The following IKZF2 variants were observed in gnomAD, a reference collection of about 807,000 sequenced individuals.
IKZF2 encodes the protein zinc finger protein Helios.
A neutral mutation model predicts 49.2 loss-of-function variants in IKZF2; 15 were observed. The observed-to-expected ratio is 0.30, with a 90% CI of 0.20 to 0.47. The LOEUF (loss-of-function observed/expected upper bound fraction) is 0.47, where lower values mean the gene tolerates loss of function less well. Among genes scored for constraint, IKZF2 ranks in the 20% least tolerant of loss-of-function variants. IKZF2 has a pLI of 1.00. For synonymous variants in IKZF2, 227 were observed against 221.4 expected, an observed-to-expected ratio of 1.03 and a Z score of -0.23; for missense variants, 567 against 664.6, an observed-to-expected ratio of 0.85 and a Z score of 1.61.
At chr2:213,087,154 A>G (rs1250903895) in intron 4 of IKZF2, among the ~76,000 whole-genome samples, 4 of 152,290 alleles carry the variant, frequency 2.6e-5, no homozygotes, top group Admixed American at 6.5e-5. Context: ...AGGTCTTGAT[A>G]TGCAATGTAT....
At chr2:213,112,777 G>A (rs1224458626) in intron 4 of IKZF2, among the ~76,000 whole-genome samples, 1 of 151,932 alleles carries the variant, frequency 6.6e-6, no homozygotes, top group Non-Finnish European at 1.5e-5. Flanking sequence ...TCTGGAACTA[G>A]GCAACCAAGG....
chr2:213,106,382 T>C (rs373223094), intron 4 of IKZF2, among the ~76,000 whole-genome samples: 23 of 151,878 alleles, frequency 1.5e-4, no homozygotes, highest in African/African-American at 5.1e-4. Flanking sequence ...TTCACGTCTA[T>C]AATCCCAACA....
chr2:213,084,474 T>C (rs2125592680), intron 4 of IKZF2, among the ~76,000 whole-genome samples: 1 of 152,282 alleles, frequency 6.6e-6, no homozygotes, highest in Non-Finnish European at 1.5e-5. Flanking sequence ...TTAGTAATCA[T>C]TTTTATTATG....
At position 213,150,219 on chromosome 2, in the gene IKZF2, C is replaced by T. The variant is rs926410818; in HGVS notation, c.-91G>A. On this transcript the variant is annotated 5_prime_UTR_variant, in exon 2 of 9. Coordinates refer to ENST00000434687, the MANE Select transcript of IKZF2 (RefSeq NM_001387220.1). Reference sequence around the variant, plus strand: ...GTCGGGAGATCTCAGCTTCTTCTAACCCCTCAAAGAGGAGGTGACAATGTC... The same window carrying T: ...GTCGGGAGATCTCAGCTTCTTCTAATCCCTCAAAGAGGAGGTGACAATGTC... 2 of 1,294,126 alleles carry T rather than the reference C, an allele frequency of 1.5e-6. No individual in the cohort carries two copies. Among genetic ancestry groups the T allele is most frequent in the African/African-American group, 1.5e-5 (1 of 65,612 alleles). 80.2% of individuals were successfully genotyped at this position (1,294,126 alleles called of 1,614,324 possible). A position where few individuals can be genotyped will look rare whatever the true frequency, so the allele number is the denominator to read the frequency against.
chr2:213,043,646 C>T (rs1299200096), intron 6 of IKZF2, among the ~76,000 whole-genome samples: 1 of 152,194 alleles, frequency 6.6e-6, no homozygotes, highest in Non-Finnish European at 1.5e-5. Flanking sequence ...CAGAATGAAA[C>T]TATTCCACCT....
At chr2:213,082,863 C>T (rs1230858583) in intron 4 of IKZF2, among the ~76,000 whole-genome samples, 3 of 152,168 alleles carry the variant, frequency 2.0e-5, no homozygotes, top group Non-Finnish European at 2.9e-5. Flanking sequence ...CATTTCACTA[C>T]TTTTGACAGT....
At chr2:213,014,219 CT>C (rs1422169573) in intron 7 of IKZF2, 5 of 212,778 alleles carry the variant, frequency 2.3e-5, no homozygotes, top group Non-Finnish European at 4.7e-5. Flanking sequence ...TCTTATTCCC[CT>C]GAAAGTGTTT....
intron 4 of IKZF2, among the ~76,000 whole-genome samples, chr2:213,137,054 A>G (rs2060702844): frequency 6.6e-6 from 1 of 152,154 alleles, no homozygotes; most frequent in Non-Finnish European, 1.5e-5. Flanking sequence ...CAGCATTACT[A>G]TGATTTATTT....
chr2:213,123,517 G>A lies in IKZF2; in HGVS notation c.139+24191C>T, dbSNP rs565893526. The stretch of plus-strand genomic sequence containing the variant: ...ACCTAATGTAAATGACAAGTTAATA[G>A]GTGCAGCACACCAACATGGCACATG... On this transcript the variant is annotated intron_variant, in intron 4 of 8. Transcript: ENST00000434687. 1.6e-4 allele frequency among the ~76,000 whole-genome samples: 25 copies of A among 152,160 alleles called. No homozygotes were observed. In the South Asian group the frequency reaches 5.2e-3, roughly 32 times the overall value.
chr2:213,104,209 G>A (rs145417537), intron 4 of IKZF2, among the ~76,000 whole-genome samples: 2 of 150,902 alleles, frequency 1.3e-5, no homozygotes, highest in East Asian at 3.9e-4. Context: ...GTTTTGTTTT[G>A]CTGTGGTTTT....
chr2:213,093,495 A>G (rs1359499295), intron 4 of IKZF2, among the ~76,000 whole-genome samples: 1 of 152,188 alleles, frequency 6.6e-6, no homozygotes, highest in Non-Finnish European at 1.5e-5. Context: ...TAAATCGTCA[A>G]TATAAACTAA....
chr2:213,038,132 T>C (rs1316655917), intron 6 of IKZF2, among the ~76,000 whole-genome samples: 4 of 152,084 alleles, frequency 2.6e-5, no homozygotes, highest in Middle Eastern at 3.4e-3. Flanking sequence ...AGGATCTCTG[T>C]TCACTACAAG....
intron 6 of IKZF2, among the ~76,000 whole-genome samples, chr2:213,040,995 G>T (rs530244451): frequency 1.3e-5 from 2 of 152,062 alleles, no homozygotes; most frequent in Non-Finnish European, 2.9e-5. Context: ...GTGCACGCCT[G>T]TAATTCCAGC....
At chr2:213,072,023 T>C (rs185943746) in intron 4 of IKZF2, among the ~76,000 whole-genome samples, 31 of 152,200 alleles carry the variant, frequency 2.0e-4, no homozygotes, top group East Asian at 3.9e-4. Context: ...TAATAGAACA[T>C]TGGTCAAAAA....
intron 4 of IKZF2, among the ~76,000 whole-genome samples, chr2:213,082,273 G>A (rs920929227): frequency 2.6e-5 from 4 of 152,128 alleles, no homozygotes; most frequent in Admixed American, 1.3e-4. Flanking sequence ...TAAATACAAC[G>A]ATAAAGAATG....
chr2:213,092,972 G>C (rs1705523567), intron 4 of IKZF2, among the ~76,000 whole-genome samples: 1 of 152,122 alleles, frequency 6.6e-6, no homozygotes, highest in South Asian at 2.1e-4. Context: ...CAGAATACAA[G>C]TGCATTCTCA....
chr2:213,129,416 T>C (rs554582437), intron 4 of IKZF2, among the ~76,000 whole-genome samples: 3 of 150,390 alleles, frequency 2.0e-5, no homozygotes, highest in South Asian at 2.2e-4. Context: ...GAAGAAAACG[T>C]GTCCCAAACC....
intron 7 of IKZF2, chr2:213,017,068 T>C (rs1696690014): frequency 1.3e-5 from 2 of 152,196 alleles, no homozygotes; most frequent in East Asian, 3.8e-4. Flanking sequence ...TTTACAGTTA[T>C]CTTAGTTATT....
chr2:213,072,303 T>TC (rs923516523), intron 4 of IKZF2, among the ~76,000 whole-genome samples: 2 of 151,798 alleles, frequency 1.3e-5, no homozygotes, highest in African/African-American at 4.8e-5. Flanking sequence ...TTTGTTTTTT[T>TC]TTTTTTCTGT....
Sources: allele counts gnomAD v4.1 joint callset (sites outside exome capture counted in the v4.1 genomes callset), GRCh38; gene constraint gnomAD v4.1.1; transcripts MANE v1.5; gene names NCBI Gene and HGNC (gene_info 2026-07-23, HGNC 2026-07-21).